The following POFUT3 variants were observed in gnomAD, a reference collection of about 807,000 sequenced individuals.
The protein encoded by POFUT3 is GDP-fucose protein O-fucosyltransferase 3.
the POFUT3 span, among the ~76,000 whole-genome samples, chr8:33,431,000 T>C: frequency 1.3e-5 from 2 of 151,972 alleles, no homozygotes; most frequent in Non-Finnish European, 2.9e-5. Context: ...CTCAAGAGTT[T>C]TACGGTTTTA....
At chr8:33,436,448 T>C in the POFUT3 span, 3 of 1,440,144 alleles carry the variant, frequency 2.1e-6, no homozygotes, top group Admixed American at 5.1e-5. Context: ...GTGGGACTGA[T>C]GTTGCCCACA....
chr8:33,418,110 C>T, the POFUT3 span, among the ~76,000 whole-genome samples: 110 of 152,290 alleles, frequency 7.2e-4, no homozygotes, highest in African/African-American at 2.4e-3. Flanking sequence ...CAGCCCCCAG[C>T]AGACTGCATC....
chr8:33,310,142 A>G, the POFUT3 span, among the ~76,000 whole-genome samples: 15 of 152,156 alleles, frequency 9.9e-5, no homozygotes, highest in Admixed American at 3.3e-4. Context: ...TCTATCTTTG[A>G]CAAACAGAAT....
At chr8:33,367,426 T>C in the POFUT3 span, among the ~76,000 whole-genome samples, 2 of 152,222 alleles carry the variant, frequency 1.3e-5, no homozygotes, top group Admixed American at 6.5e-5. Context: ...GTTAATTTAA[T>C]ATCTATAGAA....
the POFUT3 span, among the ~76,000 whole-genome samples, chr8:33,450,774 T>G: frequency 1.3e-5 from 2 of 152,196 alleles, no homozygotes; most frequent in African/African-American, 4.8e-5. Context: ...GGAATTTGGT[T>G]GGAGATTAAG....
chr8:33,448,758 AC>A, the POFUT3 span, among the ~76,000 whole-genome samples: 3 of 151,998 alleles, frequency 2.0e-5, no homozygotes, highest in African/African-American at 7.3e-5. Context: ...ACATGGTGAA[AC>A]CCTGTCTCTT....
the POFUT3 span, among the ~76,000 whole-genome samples, chr8:33,456,759 A>C: frequency 4.2e-4 from 59 of 139,312 alleles, no homozygotes; most frequent in African/African-American, 1.4e-3. Context: ...AAAGCCTTTT[A>C]TTTTCTTTTT....
At chr8:33,453,524 C>G in the POFUT3 span, 2 of 1,571,874 alleles carry the variant, frequency 1.3e-6, no homozygotes, top group Non-Finnish European at 1.7e-6. Context: ...AAAGAGAAGA[C>G]AATTATTATC....
At chr8:33,416,773 G>T in the POFUT3 span, among the ~76,000 whole-genome samples, 1 of 149,300 alleles carries the variant, frequency 6.7e-6, no homozygotes, top group Admixed American at 6.7e-5. Flanking sequence ...TTGAACCCAG[G>T]AGGCAGAGGT....
At chr8:33,312,605 G>A in the POFUT3 span, among the ~76,000 whole-genome samples, 65,817 of 151,886 alleles carry the variant, frequency 0.43, 16,094 homozygotes, top group East Asian at 0.8. Flanking sequence ...AGACCACCCA[G>A]ATTAAGGAAG....
the POFUT3 span, among the ~76,000 whole-genome samples, chr8:33,392,659 G>A: frequency 1.3e-5 from 2 of 151,852 alleles, no homozygotes; most frequent in Non-Finnish European, 2.9e-5. Context: ...AGCTTCAGAC[G>A]GTAAGTGCTG....
the POFUT3 span, among the ~76,000 whole-genome samples, chr8:33,388,032 C>G: frequency 2.0e-5 from 3 of 152,120 alleles, no homozygotes; most frequent in Non-Finnish European, 4.4e-5. Flanking sequence ...AGTAAGCAAA[C>G]AAACACCAAG....
the POFUT3 span, among the ~76,000 whole-genome samples, chr8:33,308,139 CAT>C: frequency 1.1e-3 from 162 of 152,192 alleles, 1 homozygote; most frequent in Non-Finnish European, 2.1e-3. Flanking sequence ...AAGGAAGAAA[CAT>C]AATGTTGTTA....
At chr8:33,467,782 C>T in the POFUT3 span, among the ~76,000 whole-genome samples, 4 of 152,180 alleles carry the variant, frequency 2.6e-5, no homozygotes, top group Non-Finnish European at 5.9e-5. Context: ...GAATATCTTA[C>T]AGGTAATTAG....
the POFUT3 span, among the ~76,000 whole-genome samples, chr8:33,388,080 A>G: frequency 6.6e-6 from 1 of 152,358 alleles, no homozygotes; most frequent in East Asian, 1.9e-4. Context: ...TAAGAAGTTC[A>G]TAACAATTTA....
the POFUT3 span, among the ~76,000 whole-genome samples, chr8:33,330,420 G>C: frequency 1.3e-5 from 2 of 152,058 alleles, no homozygotes; most frequent in Non-Finnish European, 2.9e-5. Flanking sequence ...CTCCAGCCTG[G>C]GTGACAGAGC....
At chr8:33,418,816 G>A in the POFUT3 span, among the ~76,000 whole-genome samples, 6 of 152,062 alleles carry the variant, frequency 3.9e-5, no homozygotes, top group African/African-American at 7.2e-5. Flanking sequence ...GCCAAGATAC[G>A]GAATCAATCT....
chr8:33,428,433 T>C, the POFUT3 span, among the ~76,000 whole-genome samples: 1 of 152,196 alleles, frequency 6.6e-6, no homozygotes, highest in Non-Finnish European at 1.5e-5. Flanking sequence ...ATTATCAATG[T>C]CAAAATTGAG....
chr8:33,317,610 C>A, the POFUT3 span, among the ~76,000 whole-genome samples: 7 of 152,166 alleles, frequency 4.6e-5, no homozygotes, highest in African/African-American at 1.4e-4. Context: ...TCTTTTAAAA[C>A]CCTTGCTTGT....
Sources: gnomAD v4.1 joint callset for allele counts (sites outside exome capture counted in the v4.1 genomes callset) on GRCh38, gnomAD v4.1.1 for gene constraint, MANE v1.5 for transcripts, NCBI Gene and HGNC (gene_info 2026-07-23, HGNC 2026-07-21) for gene names.